REPS2: variants seen among roughly 807,000 people sequenced by gnomAD.
The protein encoded by REPS2 is ralBP1-associated Eps domain-containing protein 2.
A neutral mutation model predicts 53.6 loss-of-function variants in REPS2; 23 were observed. The observed-to-expected ratio is 0.43, with a 90% CI of 0.31 to 0.61. REPS2 has a LOEUF of 0.61. Among genes scored for constraint, REPS2 ranks in the 20% least tolerant of loss-of-function variants. The pLI is 0.11. For missense variants in REPS2, 446 were observed against 534.9 expected, an observed-to-expected ratio of 0.83 and a Z score of 1.64; for synonymous variants, 238 against 218.6, an observed-to-expected ratio of 1.09 and a Z score of -0.78.
At chrX:16,966,791 T>C (rs1304657690) in intron 1 of REPS2, among the ~76,000 whole-genome samples, 4 of 112,727 alleles carry the variant, frequency 3.5e-5, no homozygotes, top group Non-Finnish European at 7.5e-5. Flanking sequence ...ATCTTGCTAC[T>C]AATAATATCA....
intron 16 of REPS2, chrX:17,136,471 C>T (rs1447928956): frequency 9.1e-6 from 1 of 110,352 alleles, no homozygotes; most frequent in Non-Finnish European, 1.9e-5. Flanking sequence ...CTATCAGGGA[C>T]AAAGATGGCT....
intron 1 of REPS2, among the ~76,000 whole-genome samples, chrX:16,979,194 C>T (rs1160038455): frequency 1.8e-5 from 2 of 111,687 alleles, no homozygotes; most frequent in Non-Finnish European, 3.8e-5. Flanking sequence ...GCCCCCATAC[C>T]ATATACTGTA....
At chrX:17,030,257 G>C (rs1405809538) in intron 5 of REPS2, among the ~76,000 whole-genome samples, 1 of 111,383 alleles carries the variant, frequency 9.0e-6, no homozygotes, top group Non-Finnish European at 1.9e-5. Flanking sequence ...GTCTGCAGCT[G>C]TTGCCTTGTG....
chrX:16,951,557 ACACC>A lies in REPS2; in HGVS notation c.273+4425_273+4428del, dbSNP rs1247950512. 7.1e-3 allele frequency among the ~76,000 whole-genome samples: 157 copies of A among 22,207 alleles called. 5 individuals carry two copies. Among genetic ancestry groups the A allele is most frequent in the Non-Finnish European group, 0.011 (85 of 7,985 alleles). 19.3% of individuals were successfully genotyped at this position (22,207 alleles called of 115,157 possible). On this transcript the variant is annotated intron_variant, in intron 1 of 17. Transcript: ENST00000357277. ...CACACACACACACACACACACACAC[ACACC>A]CCCGCTACCTACCTCTCTCTGGGGC...
At chrX:16,964,759 C>G (rs1342926412) in intron 1 of REPS2, among the ~76,000 whole-genome samples, 1 of 97,320 alleles carries the variant, frequency 1.0e-5, no homozygotes, top group African/African-American at 3.8e-5. Context: ...CCTCACCTCC[C>G]GGACGGGGCG....
At chrX:16,955,596 C>T (rs1030899580) in intron 1 of REPS2, among the ~76,000 whole-genome samples, 4 of 111,588 alleles carry the variant, frequency 3.6e-5, no homozygotes, top group African/African-American at 1.3e-4. Context: ...CTCTCAACTT[C>T]GAGGCTTCCT....
the REPS2 span, among the ~76,000 whole-genome samples, chrX:17,166,574 C>T: frequency 4.5e-5 from 5 of 112,078 alleles, no homozygotes; most frequent in African/African-American, 1.3e-4. Flanking sequence ...TATAGAAAAA[C>T]GAATCCACCC....
At chrX:17,145,936 C>T (rs1318224503) in intron 17 of REPS2, among the ~76,000 whole-genome samples, 3 of 110,222 alleles carry the variant, frequency 2.7e-5, no homozygotes, top group African/African-American at 9.9e-5. Context: ...GGTGAAACCC[C>T]GTTTCTACTA....
At chrX:17,063,658 T>A (rs1031689098) in intron 9 of REPS2, among the ~76,000 whole-genome samples, 2 of 110,113 alleles carry the variant, frequency 1.8e-5, no homozygotes, top group African/African-American at 3.3e-5. Context: ...TTGGTTAAAA[T>A]TTTTTTTTTC....
chrX:17,015,074 A>T (rs776666566), intron 2 of REPS2, among the ~76,000 whole-genome samples: 7 of 113,039 alleles, frequency 6.2e-5, no homozygotes, highest in African/African-American at 2.2e-4. Context: ...AGGAAAAGGT[A>T]TACCAATAAC....
intron 2 of REPS2, among the ~76,000 whole-genome samples, chrX:17,021,033 ATACT>A (rs1244086180): frequency 1.8e-5 from 2 of 112,258 alleles, no homozygotes; most frequent in Non-Finnish European, 3.8e-5. Context: ...GAACTCTAGG[ATACT>A]TGCTTGCTGT....
At chrX:17,145,905 C>G (rs113694031) in intron 17 of REPS2, among the ~76,000 whole-genome samples, 2,770 of 111,042 alleles carry the variant, frequency 0.025, 93 homozygotes, top group African/African-American at 0.088. Context: ...GTCAGGAGAT[C>G]GAGACCATCC....
intron 17 of REPS2, among the ~76,000 whole-genome samples, chrX:17,144,886 C>T (rs1489037853): frequency 9.0e-6 from 1 of 111,540 alleles, no homozygotes; most frequent in Non-Finnish European, 1.9e-5. Context: ...CACTGTGGCC[C>T]ATCAGAGTTG....
chrX:17,054,691 T>G, intron 7 of REPS2, 117 bp from the exon 8 acceptor site: 2 of 756,742 alleles, frequency 2.6e-6, no homozygotes. Context: ...GCTAGGAGGG[T>G]TTGGGTATCT....
At chrX:17,113,091 CAAAAA>C (rs10567369) in intron 14 of REPS2, among the ~76,000 whole-genome samples, 3 of 13,560 alleles carry the variant, frequency 2.2e-4, no homozygotes. Flanking sequence ...GACTCTGTCT[CAAAAA>C]AAAAAAAAAA....
chrX:17,040,065 A>C (rs2061812505), intron 5 of REPS2, among the ~76,000 whole-genome samples: 1 of 112,682 alleles, frequency 8.9e-6, no homozygotes, highest in Non-Finnish European at 1.9e-5. Context: ...GTTAGGTAAT[A>C]TGTGGTTAAA....
chrX:17,112,840 G>A (rs1362999995), intron 14 of REPS2, among the ~76,000 whole-genome samples: 1 of 110,117 alleles, frequency 9.1e-6, no homozygotes, highest in East Asian at 2.8e-4. Flanking sequence ...TGTAATCCCA[G>A]CACTTTGGGA....
At chrX:16,971,121 G>C (rs1569099339) in intron 1 of REPS2, among the ~76,000 whole-genome samples, 1 of 111,989 alleles carries the variant, frequency 8.9e-6, no homozygotes, top group Non-Finnish European at 1.9e-5. Flanking sequence ...AATATATGAG[G>C]GTTCCAGTTT....
At chrX:17,014,547 T>G (rs747044955) in intron 2 of REPS2, among the ~76,000 whole-genome samples, 2 of 108,708 alleles carry the variant, frequency 1.8e-5, no homozygotes, top group Admixed American at 2.0e-4. Context: ...CTGGCCTGAT[T>G]TTTTTTTTTG....
Sources: gnomAD v4.1 joint callset for allele counts (sites outside exome capture counted in the v4.1 genomes callset) on GRCh38, gnomAD v4.1.1 for gene constraint, MANE v1.5 for transcripts, NCBI Gene and HGNC (gene_info 2026-07-23, HGNC 2026-07-21) for gene names.